CPSF3: variants seen among roughly 807,000 people sequenced by gnomAD.
CPSF3 encodes cleavage and polyadenylation specificity factor subunit 3.
CPSF3 carries 57 observed loss-of-function variants against 84.1 expected under a neutral mutation model. The ratio of observed to expected loss-of-function variants is 0.68; its 90% CI spans 0.55 to 0.85. The LOEUF (loss-of-function observed/expected upper bound fraction) is 0.85. Ranked by LOEUF, CPSF3 falls within the 40% of genes least tolerant of loss-of-function variation. The pLI is 0.00. For missense variants in CPSF3, 522 were observed against 838.8 expected, an observed-to-expected ratio of 0.62 and a Z score of 4.66; for synonymous variants, 275 against 278.1, an observed-to-expected ratio of 0.99 and a Z score of 0.11.
chr2:9,435,595 G>A (rs145186373), intron 6 of CPSF3, among the ~76,000 whole-genome samples: 80 of 151,654 alleles, frequency 5.3e-4, no homozygotes, highest in African/African-American at 1.9e-3. Context: ...GCTAATTTTT[G>A]TATTTTTAGT....
intron 16 of CPSF3, 125 bp downstream of exon 16, chr2:9,467,901 G>A (rs560151034): frequency 1.1e-5 from 8 of 702,214 alleles, no homozygotes; most frequent in South Asian, 1.0e-4. Context: ...ATGCTCGGAG[G>A]CCTGCTTCTC....
rs1353529856 is a variant in CPSF3, at chr2:9,448,499, C to G, written c.1395+149C>G. The G allele has an allele frequency of 4.6e-6, 3 of 657,054 alleles. No individual in the cohort carries two copies. In the African/African-American group the frequency reaches 5.5e-5, roughly 12 times the overall value. 40.7% of individuals were successfully genotyped at this position (657,054 alleles called of 1,614,324 possible). A position where few individuals can be genotyped will look rare whatever the true frequency, so the allele number is the denominator to read the frequency against. On this transcript the variant is annotated intron_variant, in intron 11 of 17. Coordinates refer to ENST00000238112, the MANE Select transcript of CPSF3 (RefSeq NM_016207.4). Reference sequence around the variant, plus strand: ...GGAATTTTATCCTTATCCTTTTTGGCTTCTTTTGGTTCTGTGCATTCATTT... The same window carrying G: ...GGAATTTTATCCTTATCCTTTTTGGGTTCTTTTGGTTCTGTGCATTCATTT...
intron 9 of CPSF3, 35 bp downstream of exon 9, chr2:9,442,011 A>G (rs749470331): frequency 4.4e-6 from 7 of 1,600,236 alleles, no homozygotes; most frequent in South Asian, 2.2e-5. Context: ...TGTTATTCCT[A>G]TTCAGAATCA....
intron 16 of CPSF3, 23 bp from the exon 17 acceptor site, chr2:9,471,320 C>T: frequency 7.0e-7 from 1 of 1,424,418 alleles, no homozygotes; most frequent in East Asian, 2.3e-5. Flanking sequence ...TTTCACTAAT[C>T]CTGCATTTCT....
At chr2:9,452,816 A>G (rs1322931534) in intron 11 of CPSF3, 97 bp from the exon 12 acceptor site, 9 of 719,536 alleles carry the variant, frequency 1.3e-5, no homozygotes, top group African/African-American at 5.4e-5. Context: ...TCATAGTTCA[A>G]AGGTGTTATG....
chr2:9,461,709 T>G (rs1681730405), intron 15 of CPSF3, among the ~76,000 whole-genome samples: 1 of 149,736 alleles, frequency 6.7e-6, no homozygotes, highest in South Asian at 2.1e-4. Flanking sequence ...TCTTAGGTGG[T>G]AAAAATAAAG....
intron 17 of CPSF3, among the ~76,000 whole-genome samples, chr2:9,472,650 T>C (rs1682213766): frequency 2.0e-5 from 3 of 151,904 alleles, no homozygotes; most frequent in Non-Finnish European, 4.4e-5. Flanking sequence ...CACACACAGA[T>C]GATTGTTCTT....
At chr2:9,433,166 G>A (rs1393969409) in intron 5 of CPSF3, among the ~76,000 whole-genome samples, 2 of 152,178 alleles carry the variant, frequency 1.3e-5, no homozygotes, top group Non-Finnish European at 2.9e-5. Flanking sequence ...GACAACGTGG[G>A]TGGGCCGCTG....
In CPSF3 at chr2:9,428,624, G is replaced by T. The variant is rs536601476; in HGVS notation, c.51-141G>T. The stretch of plus-strand genomic sequence containing the variant: ...TCTTCCCTGTCTTTGTGATTTTGTA[G>T]AACTCTCTTACGTCTCAGAATTTTT... On this transcript the variant is annotated intron_variant, in intron 1 of 17. Coordinates refer to ENST00000238112, the MANE Select transcript of CPSF3 (RefSeq NM_016207.4). 54 of 615,266 alleles carry T rather than the reference G, an allele frequency of 8.8e-5. No homozygotes were observed. The East Asian group carries it at 1.4e-3, about 16-fold the overall frequency. The allele number at this position is 615,266 out of a possible 1,614,324, so 38.1% of individuals were successfully genotyped here. A position where few individuals can be genotyped will look rare whatever the true frequency, so the allele number is the denominator to read the frequency against.
chr2:9,426,875 C>CAAAAAAA (rs61487619), intron 1 of CPSF3, among the ~76,000 whole-genome samples: 1 of 131,232 alleles, frequency 7.6e-6, no homozygotes, highest in Non-Finnish European at 1.6e-5. Flanking sequence ...GACCTTGTCT[C>CAAAAAAA]AAAAAAAAAA....
rs546685067 is a variant in CPSF3 at position 9,440,041 on chromosome 2, G to T, written c.761-450G>T. On this transcript the variant is annotated intron_variant, in intron 7 of 17. Transcript: ENST00000238112. The stretch of plus-strand genomic sequence containing the variant: ...CTTTTTTTTTAAGTGTTCAAAATCG[G>T]TTAACTCTTGGCAATTCTCTTTTGT... Among the ~76,000 whole-genome samples the T allele has an allele frequency of 2.0e-5, 3 of 152,104 alleles. No individual in the cohort carries two copies. The South Asian group carries it at 6.2e-4, about 32-fold the overall frequency.
At chr2:9,467,806 A>G (rs1349727471) in intron 16 of CPSF3, 30 bp downstream of exon 16, 34 of 1,568,508 alleles carry the variant, frequency 2.2e-5, no homozygotes, top group Non-Finnish European at 3.0e-5. Flanking sequence ...TTTCTCAACA[A>G]GACAGTGACA....
At chr2:9,455,200 G>A (rs1053788642) in intron 12 of CPSF3, among the ~76,000 whole-genome samples, 29 of 150,532 alleles carry the variant, frequency 1.9e-4, no homozygotes, top group Non-Finnish European at 2.7e-4. Flanking sequence ...GCAGTGGCAC[G>A]ATCTCGGCTC....
chr2:9,425,846 T>C (rs1388153526), intron 1 of CPSF3, among the ~76,000 whole-genome samples: 2 of 152,204 alleles, frequency 1.3e-5, no homozygotes, highest in Non-Finnish European at 2.9e-5. Context: ...ATCACCTCTC[T>C]CTAATTCCAG....
At position 9,446,555 on chromosome 2, in the gene CPSF3, TG is replaced by T. The variant is rs544804733; in HGVS notation, c.1243-1640del. Among the ~76,000 whole-genome samples, 728 of 131,720 alleles carry T rather than the reference TG, an allele frequency of 5.5e-3. 6 individuals carry two copies. Among genetic ancestry groups the T allele is most frequent in the African/African-American group, 0.02 (676 of 34,496 alleles). 86.4% of individuals were successfully genotyped at this position (131,720 alleles called of 152,430 possible). A position where few individuals can be genotyped will look rare whatever the true frequency, so the allele number is the denominator to read the frequency against. ...GAGATCACGCCACTAGACTCTAGCC[TG>T]GGCGACGGAGCGAGACTCGGTCTCA... On this transcript the variant is annotated intron_variant, in intron 10 of 17. Transcript: ENST00000238112.
chr2:9,424,362 C>A, intron 1 of CPSF3: 1 of 693,760 alleles, frequency 1.4e-6, no homozygotes, highest in Non-Finnish European at 1.8e-6. Flanking sequence ...AGGTGTAAAG[C>A]TGGAGAAGAG....
At chr2:9,434,688 A>G (rs1000894420) in intron 6 of CPSF3, among the ~76,000 whole-genome samples, 1 of 152,170 alleles carries the variant, frequency 6.6e-6, no homozygotes, top group Non-Finnish European at 1.5e-5. Flanking sequence ...TTTGTGTGTC[A>G]TGTCTGCCTA....
At chr2:9,457,992 G>T (rs1167392418) in intron 14 of CPSF3, among the ~76,000 whole-genome samples, 4 of 152,120 alleles carry the variant, frequency 2.6e-5, no homozygotes, top group Admixed American at 1.3e-4. Context: ...CTGACCTCAA[G>T]TGATCCACCC....
chr2:9,464,715 C>G (rs1681843865), intron 15 of CPSF3, among the ~76,000 whole-genome samples: 1 of 152,118 alleles, frequency 6.6e-6, no homozygotes, highest in Admixed American at 6.5e-5. Flanking sequence ...CCTCAGCCCC[C>G]ACAAGTAGCT....
Sources: gnomAD v4.1 joint callset for allele counts (sites outside exome capture counted in the v4.1 genomes callset) on GRCh38, gnomAD v4.1.1 for gene constraint, MANE v1.5 for transcripts, NCBI Gene and HGNC (gene_info 2026-07-23, HGNC 2026-07-21) for gene names.